Variants in WT1 observed in about 807,000 individuals in gnomAD.
The protein encoded by WT1 is Wilms tumor protein.
A neutral mutation model predicts 60.8 loss-of-function variants in WT1; 8 were observed. That is an observed-to-expected ratio of 0.13 (90% CI 0.08 to 0.24). WT1 has a LOEUF of 0.24. WT1 is among the 10% of genes least tolerant of loss of function. The pLI is 1.00. For synonymous variants in WT1, 312 were observed against 297.1 expected (o/e 1.05, Z -0.52); for missense variants, 568 against 711.8 (o/e 0.80, Z 2.30).
In WT1 at chr11:32,413,541, G is replaced by A. The variant is rs1367175562; in HGVS notation, c.1016+2949C>T. ...GTTCTGGGCTGTTCATGAGTTTGGA[G>A]GAGACAGCCAAGGTGTCACCATGTT... On this transcript the variant is annotated intron_variant, in intron 5 of 9. Transcript: ENST00000452863. Among the ~76,000 whole-genome samples the A allele has an allele frequency of 3.3e-5, 5 of 152,332 alleles. No homozygotes were observed. The East Asian group carries it at 7.7e-4, about 24-fold the overall frequency.
chr11:32,400,345 G>A lies in WT1; in HGVS notation c.1017-301C>T, dbSNP rs1852117996. On this transcript the variant is annotated intron_variant, in intron 5 of 9. Transcript: ENST00000452863. ...ACCACAGTGGCAGGGTTTCATCCTCGGCAAGTTGTTTACCATCTAGACGGC... is the reference window on the plus strand; with the variant it reads ...ACCACAGTGGCAGGGTTTCATCCTCAGCAAGTTGTTTACCATCTAGACGGC... The A allele has an allele frequency of 8.5e-6, 4 of 471,506 alleles. No homozygotes were observed. In the Admixed American group the frequency reaches 1.0e-4, roughly 12 times the overall value. 29.2% of individuals were successfully genotyped at this position (471,506 alleles called of 1,614,324 possible). A position where few individuals can be genotyped will look rare whatever the true frequency, so the allele number is the denominator to read the frequency against.
At chr11:32,403,996 G>A (rs942121324) in intron 5 of WT1, among the ~76,000 whole-genome samples, 4 of 152,170 alleles carry the variant, frequency 2.6e-5, no homozygotes, top group Non-Finnish European at 4.4e-5. Context: ...GACTGAGGCC[G>A]GACATGGTGG....
chr11:32,428,049 T>G lies in WT1; in HGVS notation c.794A>C (p.Gln265Pro). 2 of 1,604,846 alleles carry G rather than the reference T, an allele frequency of 1.2e-6. No homozygotes were observed. The highest frequency in any genetic ancestry group is 1.7e-6 in the Non-Finnish European group (2 of 1,174,176). Residue 265 changes from glutamine (Q) to proline (P), a missense_variant, in exon 3 of 10, where the codon CAG becomes CCG. By Grantham distance (76) the Gln-to-Pro change is moderately conservative (BLOSUM62 -1). Around this residue, in one of 3 missense-constraint regions of WT1, gnomAD observed 523 missense variants for 565.1 expected, o/e 0.93. Transcript: ENST00000452863. ...ATAGACCGGGGGCGGCACCGAGTAC[T>G]GCTGCTCACCTGCAGAGAGAACCGA...
Position 32,422,600 on chromosome 11 carries a change from C to T in WT1, c.888-4946G>A, listed in dbSNP as rs146218468. Among the ~76,000 whole-genome samples the T allele has an allele frequency of 5.0e-3, 757 of 152,282 alleles. 7 individuals are homozygous for T. Among genetic ancestry groups the T allele is most frequent in the African/African-American group, 0.018 (732 of 41,554 alleles). ...TTGAAGGCCAACCCAAGTGGTAGAT[C>T]GGCACTTCCCACTGAGTTATGGAAC... On this transcript the variant is annotated intron_variant, in intron 3 of 9. Coordinates refer to ENST00000452863, the MANE Select transcript of WT1 (RefSeq NM_024426.6).
intron 5 of WT1, among the ~76,000 whole-genome samples, chr11:32,414,264 TTG>T (rs1852594393): frequency 6.6e-6 from 1 of 152,220 alleles, no homozygotes; most frequent in East Asian, 1.9e-4. Flanking sequence ...TACATATATA[TTG>T]TGTTTGTTTG....
intron 1 of WT1, among the ~76,000 whole-genome samples, chr11:32,431,114 C>A (rs1462309485): frequency 6.6e-6 from 1 of 152,182 alleles, no homozygotes; most frequent in Non-Finnish European, 1.5e-5. Flanking sequence ...CCCTCCTCCC[C>A]CGCCGGCGGC....
At chr11:32,415,935 T>C (rs566920040) in intron 5 of WT1, among the ~76,000 whole-genome samples, 11 of 151,962 alleles carry the variant, frequency 7.2e-5, no homozygotes, top group African/African-American at 2.4e-4. Context: ...GGGCGGCTGG[T>C]TGTGGAGTTA....
chr11:32,423,823 G>T (rs547564066), intron 3 of WT1, among the ~76,000 whole-genome samples: 6 of 152,206 alleles, frequency 3.9e-5, no homozygotes, highest in Non-Finnish European at 7.3e-5. Flanking sequence ...GGTACCTGGT[G>T]CATGTTAAGT....
At chr11:32,399,374 TAAC>T (rs1852077175) in intron 6 of WT1, among the ~76,000 whole-genome samples, 1 of 152,172 alleles carries the variant, frequency 6.6e-6, no homozygotes, top group East Asian at 1.9e-4. Context: ...GGGCTTTAGT[TAAC>T]AATAATTTAT....
rs761936559 is a variant in WT1 at position 32,396,427 on chromosome 11, G to A, written c.1114-20C>T. 1 of 1,612,672 alleles carries A rather than the reference G, an allele frequency of 6.2e-7. No individual in the cohort carries two copies. Among genetic ancestry groups the A allele is most frequent in the Non-Finnish European group, 8.5e-7 (1 of 1,180,016 alleles). On this transcript the variant is annotated intron_variant, in intron 6 of 9. Coordinates refer to ENST00000452863, the MANE Select transcript of WT1 (RefSeq NM_024426.6). ...CACATCCTGCAGGCAGAGAGTAAGA[G>A]GAAGGGAGGCTTTAAGCCACATGTG...
Position 32,388,914 on chromosome 11 carries a change from A to G in WT1, c.*144T>C. 6.9e-7 allele frequency: 1 copy of G among 1,458,412 alleles called. No homozygotes were observed. The highest frequency in any genetic ancestry group is 1.9e-5 in the Admixed American group (1 of 51,326). 90.3% of individuals were successfully genotyped at this position (1,458,412 alleles called of 1,614,324 possible). ...TCCAGGCACACCTGGTAGTTTCCAG[A>G]AGCACCGGTATCTTGTCTTGGAAGT... On this transcript the variant is annotated 3_prime_UTR_variant, in exon 10 of 10. Coordinates refer to ENST00000452863, the MANE Select transcript of WT1 (RefSeq NM_024426.6).
intron 5 of WT1, among the ~76,000 whole-genome samples, chr11:32,405,686 C>T (rs912214519): frequency 4.6e-5 from 7 of 152,078 alleles, no homozygotes; most frequent in African/African-American, 1.2e-4. Flanking sequence ...CAGCACTTCC[C>T]GCATCAGACT....
chr11:32,428,776 G>A (rs188536126), intron 1 of WT1, among the ~76,000 whole-genome samples, 157 bp from the exon 2 acceptor site: 17 of 152,228 alleles, frequency 1.1e-4, no homozygotes, highest in Admixed American at 1.1e-3. Context: ...CAGGACTTTC[G>A]GCAGGAAGAC....
chr11:32,396,557 T>G lies in WT1; in HGVS notation c.1114-150A>C, dbSNP rs140745134. 243 of 976,064 alleles carry G rather than the reference T, an allele frequency of 2.5e-4. 1 individual carries two copies. The African/African-American group carries it at 3.1e-3, about 12-fold the overall frequency. 60.5% of individuals were successfully genotyped at this position (976,064 alleles called of 1,614,324 possible). On this transcript the variant is annotated intron_variant, in intron 6 of 9. Coordinates refer to ENST00000452863, the MANE Select transcript of WT1 (RefSeq NM_024426.6). ...CTCCCATTCACACTCCAGATCCCCATGGCAGACATCAGTAATGGATGCTAG... is the reference window on the plus strand; with the variant it reads ...CTCCCATTCACACTCCAGATCCCCAGGGCAGACATCAGTAATGGATGCTAG...
At chr11:32,425,131 T>C (rs1340528015) in intron 3 of WT1, among the ~76,000 whole-genome samples, 9 of 149,298 alleles carry the variant, frequency 6.0e-5, no homozygotes, top group Non-Finnish European at 1.3e-4. Flanking sequence ...GAGCCAAGAT[T>C]GTGCCACTGC....
intron 6 of WT1, among the ~76,000 whole-genome samples, 158 bp downstream of exon 6, chr11:32,399,790 A>G (rs892180838): frequency 6.6e-6 from 1 of 152,236 alleles, no homozygotes; most frequent in African/African-American, 2.4e-5. Flanking sequence ...CCGCCTTATC[A>G]GACCCAGGGG....
chr11:32,405,034 G>A (rs1852266836), intron 5 of WT1, among the ~76,000 whole-genome samples: 1 of 152,144 alleles, frequency 6.6e-6, no homozygotes, highest in Admixed American at 6.5e-5. Flanking sequence ...GTTATTTCAT[G>A]TGTTTGCTAA....
intron 4 of WT1, among the ~76,000 whole-genome samples, chr11:32,416,971 G>T (rs2133034481): frequency 6.6e-6 from 1 of 152,302 alleles, no homozygotes; most frequent in East Asian, 1.9e-4. Context: ...ACACTTGGTA[G>T]AAAATGAAAA....
In WT1 at chr11:32,428,578, G is replaced by T; in HGVS notation, c.703C>A (p.His235Asn). Residue 235 changes from histidine (H) to asparagine (N), a missense_variant, in exon 2 of 10, where the codon CAC (histidine) becomes AAC (asparagine). By Grantham distance (68) the His-to-Asn change is moderately conservative (BLOSUM62 1). Around this residue, in one of 3 missense-constraint regions of WT1, gnomAD observed 523 missense variants for 565.1 expected, o/e 0.93. Coordinates refer to ENST00000452863, the MANE Select transcript of WT1 (RefSeq NM_024426.6). ...TGCGCCGCATGGTGCGAGGGCGTGT[G>T]ACCGTAGCTGGGCGTCCCGTCGAAG... 1 of 1,613,996 alleles carries T rather than the reference G, an allele frequency of 6.2e-7. No homozygotes were observed. The highest frequency in any genetic ancestry group is 8.5e-7 in the Non-Finnish European group (1 of 1,180,032).
Sources: gnomAD v4.1 joint callset for allele counts (sites outside exome capture counted in the v4.1 genomes callset) on GRCh38, gnomAD v4.1.1 for gene constraint, gnomAD v4.1.1 regional missense constraint, MANE v1.5 for transcripts, NCBI Gene and HGNC (gene_info 2026-07-23, HGNC 2026-07-21) for gene names.